Variants in LRFN5 observed in about 807,000 individuals in gnomAD.
LRFN5 encodes the protein leucine-rich repeat and fibronectin type-III domain-containing protein 5.
In LRFN5, 24 loss-of-function variants were observed where a neutral mutation model predicts 45.6. That is an observed-to-expected ratio of 0.53 (90% CI 0.38 to 0.74). The LOEUF is 0.74. Ranked by LOEUF, LRFN5 falls within the 30% of genes least tolerant of loss-of-function variation. LRFN5 has a pLI of 0.00. For missense variants in LRFN5, 776 were observed against 861.5 expected, an observed-to-expected ratio of 0.90 and a Z score of 1.24; for synonymous variants, 340 against 313.8, an observed-to-expected ratio of 1.08 and a Z score of -0.88.
At chr14:41,806,118 T>C (rs1887517609) in intron 2 of LRFN5, among the ~76,000 whole-genome samples, 1 of 152,190 alleles carries the variant, frequency 6.6e-6, no homozygotes, top group South Asian at 2.1e-4. Flanking sequence ...CACTAGCTCA[T>C]CTTGGCCTTA....
intron 2 of LRFN5, among the ~76,000 whole-genome samples, chr14:41,849,793 T>C (rs1305945968): frequency 1.3e-5 from 2 of 151,878 alleles, no homozygotes; most frequent in Non-Finnish European, 2.9e-5. Context: ...CTGTCAATCC[T>C]CCCCTCTGAA....
chr14:41,738,446 C>T lies in LRFN5; in HGVS notation c.-196-28408C>T, dbSNP rs1884543563. On this transcript the variant is annotated intron_variant, in intron 1 of 5. Coordinates refer to ENST00000298119, the MANE Select transcript of LRFN5 (RefSeq NM_152447.5). Reference sequence around the variant, plus strand: ...AGGACATAGGCATGGGCAAAGACTTCATGACTAAAACACCAAAACTAATTG... The same window carrying T: ...AGGACATAGGCATGGGCAAAGACTTTATGACTAAAACACCAAAACTAATTG... Among the ~76,000 whole-genome samples the T allele has an allele frequency of 1.3e-5, 2 of 152,210 alleles. 1 individual carries two copies. The highest frequency in any genetic ancestry group is 4.1e-4 in the South Asian group (2 of 4,834).
chr14:41,805,548 C>T (rs1887493059), intron 2 of LRFN5, among the ~76,000 whole-genome samples: 1 of 144,800 alleles, frequency 6.9e-6, no homozygotes, highest in African/African-American at 2.5e-5. Flanking sequence ...CAATGCTATC[C>T]CTCCACCCCC....
At chr14:41,678,485 A>T (rs921701010) in intron 1 of LRFN5, among the ~76,000 whole-genome samples, 1 of 152,142 alleles carries the variant, frequency 6.6e-6, no homozygotes, top group Non-Finnish European at 1.5e-5. Flanking sequence ...TAATGGATAT[A>T]ACAATAAAAG....
chr14:41,834,761 C>T (rs1594450654), intron 2 of LRFN5, among the ~76,000 whole-genome samples: 1 of 152,026 alleles, frequency 6.6e-6, no homozygotes, highest in East Asian at 1.9e-4. Flanking sequence ...TCCCTGGGCT[C>T]AAGTGATCCT....
chr14:41,872,744 T>C (rs1383932340), intron 2 of LRFN5, among the ~76,000 whole-genome samples: 3 of 152,170 alleles, frequency 2.0e-5, no homozygotes, highest in African/African-American at 7.2e-5. Flanking sequence ...CTTAATATCA[T>C]TGGAAGGCAC....
At chr14:41,857,775 C>T (rs986959220) in intron 2 of LRFN5, among the ~76,000 whole-genome samples, 6 of 152,048 alleles carry the variant, frequency 3.9e-5, no homozygotes, top group African/African-American at 7.3e-5. Context: ...TGTTATTAGA[C>T]GATAAGAAGA....
intron 2 of LRFN5, among the ~76,000 whole-genome samples, chr14:41,833,162 G>C (rs576526543): frequency 4.4e-4 from 67 of 152,102 alleles, no homozygotes; most frequent in Admixed American, 9.8e-4. Flanking sequence ...ATCCTGATAA[G>C]CTCAATCACA....
intron 4 of LRFN5, among the ~76,000 whole-genome samples, chr14:41,897,283 G>A (rs1566512653): frequency 1.3e-5 from 2 of 151,682 alleles, no homozygotes; most frequent in Admixed American, 6.6e-5. Flanking sequence ...TTAATGCATT[G>A]GGGATTTCAT....
intron 2 of LRFN5, among the ~76,000 whole-genome samples, chr14:41,781,054 T>C (rs1220107579): frequency 6.6e-6 from 1 of 152,216 alleles, no homozygotes; most frequent in Non-Finnish European, 1.5e-5. Flanking sequence ...TTACTATTTG[T>C]ACTTCGAACA....
chr14:41,660,305 T>C, intron 1 of LRFN5, among the ~76,000 whole-genome samples: 1 of 152,052 alleles, frequency 6.6e-6, no homozygotes, highest in African/African-American at 2.4e-5. Flanking sequence ...GGATTACAGG[T>C]GTGAGCCACC....
chr14:41,681,830 T>TATTTATTTA (rs200707941), intron 1 of LRFN5, among the ~76,000 whole-genome samples: 3 of 84,954 alleles, frequency 3.5e-5, no homozygotes, highest in African/African-American at 5.4e-5. Flanking sequence ...ATTTATTTTT[T>TATTTATTTA]TTTTTTGTGA....
intron 2 of LRFN5, among the ~76,000 whole-genome samples, chr14:41,793,977 T>A (rs1887028487): frequency 6.6e-6 from 1 of 152,112 alleles, no homozygotes; most frequent in South Asian, 2.1e-4. Flanking sequence ...AGGGAGTTAT[T>A]ATAGATTCCT....
intron 2 of LRFN5, among the ~76,000 whole-genome samples, chr14:41,784,897 G>A (rs562455950): frequency 7.9e-5 from 12 of 152,090 alleles, no homozygotes; most frequent in Non-Finnish European, 1.3e-4. Context: ...CCAAAGTGCT[G>A]GGATTACAGG....
chr14:41,882,972 C>T (rs1304979382), intron 2 of LRFN5, among the ~76,000 whole-genome samples: 1 of 151,572 alleles, frequency 6.6e-6, no homozygotes, highest in Non-Finnish European at 1.5e-5. Flanking sequence ...CCTCAGCCTC[C>T]CCAGTAACTG....
At chr14:41,747,296 T>C (rs1383529840) in intron 1 of LRFN5, among the ~76,000 whole-genome samples, 1 of 151,664 alleles carries the variant, frequency 6.6e-6, no homozygotes, top group East Asian at 1.9e-4. Context: ...ACTACAAAGT[T>C]ACAGTAATCA....
chr14:41,686,506 G>A (rs1206742348), intron 1 of LRFN5, among the ~76,000 whole-genome samples: 1 of 151,836 alleles, frequency 6.6e-6, no homozygotes, highest in Non-Finnish European at 1.5e-5. Flanking sequence ...ATACTATGTT[G>A]AATAGGAGTG....
chr14:41,804,052 C>T (rs1451478032), intron 2 of LRFN5, among the ~76,000 whole-genome samples: 7 of 151,876 alleles, frequency 4.6e-5, no homozygotes, highest in African/African-American at 1.5e-4. Context: ...TTGGTAGAGG[C>T]GGGGTTTCAC....
chr14:41,795,231 C>T (rs1013280281), intron 2 of LRFN5, among the ~76,000 whole-genome samples: 11 of 152,016 alleles, frequency 7.2e-5, no homozygotes, highest in African/African-American at 2.7e-4. Context: ...AATGAGATAC[C>T]ATCTCACACC....
Sources: allele counts gnomAD v4.1 joint callset (sites outside exome capture counted in the v4.1 genomes callset), GRCh38; gene constraint gnomAD v4.1.1; transcripts MANE v1.5; gene names NCBI Gene and HGNC (gene_info 2026-07-23, HGNC 2026-07-21).